Variants in SNX18 observed in about 807,000 individuals in gnomAD.
SNX18 encodes sorting nexin 18.
A neutral mutation model predicts 48.7 loss-of-function variants in SNX18; 35 were observed. The ratio of observed to expected loss-of-function variants is 0.72; its 90% CI spans 0.55 to 0.95. The LOEUF is 0.95. Ranked by LOEUF, SNX18 falls within the 40% of genes least tolerant of loss-of-function variation. SNX18 has a pLI of 0.00. For synonymous variants in SNX18, 492 were observed against 384.7 expected, an observed-to-expected ratio of 1.28 and a Z score of -3.26; for missense variants, 824 against 871.0, an observed-to-expected ratio of 0.95 and a Z score of 0.68.
the SNX18 span, among the ~76,000 whole-genome samples, chr5:54,571,124 T>C: frequency 2.6e-5 from 4 of 152,150 alleles, no homozygotes; most frequent in African/African-American, 9.6e-5. Context: ...GGAGGCCTCC[T>C]GTGTTTTTTT....
intron 1 of SNX18, 189 bp downstream of exon 1, chr5:54,519,762 G>C: frequency 6.2e-7 from 1 of 1,614,166 alleles, no homozygotes; most frequent in Non-Finnish European, 8.5e-7. Context: ...CTTCCTCCTC[G>C]AGTATCTTGC....
chr5:54,545,933 G>A lies in SNX18; in HGVS notation c.*2501G>A, dbSNP rs981226554. 2.0e-5 allele frequency: 3 copies of A among 152,138 alleles called. No homozygotes were observed. Among genetic ancestry groups the A allele is most frequent in the Non-Finnish European group, 2.9e-5 (2 of 68,024 alleles). The allele number at this position is 152,138 out of a possible 1,614,324, so 9.4% of individuals were successfully genotyped here. ...ATGTGATGTGTTTGTAACACAGGGT[G>A]TGCACTTGAGCCTGGTTTTACTGTT... is the stretch of plus-strand genomic sequence containing the variant. On this transcript the variant is annotated 3_prime_UTR_variant, in exon 2 of 2. Coordinates refer to ENST00000381410, the MANE Select transcript of SNX18 (RefSeq NM_001102575.2).
chr5:54,647,855 G>A, the SNX18 span, among the ~76,000 whole-genome samples: 3 of 152,004 alleles, frequency 2.0e-5, no homozygotes, highest in Non-Finnish European at 2.9e-5. Flanking sequence ...GAAAGGAGTA[G>A]GATCTGCAGA....
the SNX18 span, among the ~76,000 whole-genome samples, chr5:54,563,691 T>C: frequency 6.6e-6 from 1 of 152,148 alleles, no homozygotes; most frequent in South Asian, 2.1e-4. Context: ...GTACAGGTAG[T>C]TGTGACTCTG....
chr5:54,577,033 T>G, the SNX18 span, among the ~76,000 whole-genome samples: 1 of 152,160 alleles, frequency 6.6e-6, no homozygotes. Flanking sequence ...ACTCCTGACC[T>G]CAGGTGATCC....
chr5:54,608,333 A>G, the SNX18 span, among the ~76,000 whole-genome samples: 15 of 151,770 alleles, frequency 9.9e-5, no homozygotes, highest in Admixed American at 5.2e-4. Flanking sequence ...ATGTCTCTTC[A>G]TGTCTTTTGC....
At chr5:54,642,008 G>T in the SNX18 span, among the ~76,000 whole-genome samples, 2 of 152,290 alleles carry the variant, frequency 1.3e-5, no homozygotes, top group South Asian at 2.1e-4. Flanking sequence ...ATAATAAAAG[G>T]CTGACAGTGT....
the SNX18 span, among the ~76,000 whole-genome samples, chr5:54,587,846 G>A: frequency 7.9e-5 from 12 of 152,236 alleles, no homozygotes; most frequent in Admixed American, 6.5e-4. Flanking sequence ...TTTAAGGCAC[G>A]TGGCCATCAA....
At chr5:54,535,158 A>T (rs1762329031) in intron 1 of SNX18, among the ~76,000 whole-genome samples, 1 of 152,218 alleles carries the variant, frequency 6.6e-6, no homozygotes, top group Admixed American at 6.5e-5. Context: ...GAATATATGT[A>T]TTATAAACAA....
the SNX18 span, among the ~76,000 whole-genome samples, chr5:54,552,852 G>A: frequency 6.6e-6 from 1 of 150,552 alleles, no homozygotes. Flanking sequence ...AAAAAACTAA[G>A]CGGGGAGGAG....
the SNX18 span, among the ~76,000 whole-genome samples, chr5:54,636,251 C>T: frequency 6.6e-6 from 1 of 152,130 alleles, no homozygotes; most frequent in Non-Finnish European, 1.5e-5. Context: ...TGGGCCTGAA[C>T]GGGGATGAGG....
At chr5:54,600,056 G>T in the SNX18 span, among the ~76,000 whole-genome samples, 2 of 152,164 alleles carry the variant, frequency 1.3e-5, no homozygotes, top group Non-Finnish European at 2.9e-5. Flanking sequence ...CAAACAGAGT[G>T]GGAGAAAATC....
chr5:54,555,372 A>ATCTT, the SNX18 span, among the ~76,000 whole-genome samples: 1 of 147,104 alleles, frequency 6.8e-6, no homozygotes, highest in African/African-American at 2.5e-5. Context: ...TACCCGGCAT[A>ATCTT]CCTTTCTTTT....
intron 1 of SNX18, among the ~76,000 whole-genome samples, chr5:54,522,784 G>C (rs1762055501): frequency 6.6e-6 from 1 of 152,158 alleles, no homozygotes; most frequent in African/African-American, 2.4e-5. Context: ...TTAAATGTTG[G>C]TGGGCTGAAA....
the SNX18 span, among the ~76,000 whole-genome samples, chr5:54,621,297 A>C: frequency 6.6e-6 from 1 of 152,190 alleles, no homozygotes; most frequent in East Asian, 1.9e-4. Context: ...CAGCATTGTG[A>C]ATCAACAATC....
In SNX18 at chr5:54,519,315, A is replaced by T; in HGVS notation, c.1363A>T (p.Lys455Ter). The change falls in exon 1 of 2, where the codon AAG (lysine) becomes TAG (stop). Residue 455 changes from lysine (K) to a stop codon, truncating the protein, a stop_gained. Transcript: ENST00000381410. LOFTEE classifies it high-confidence loss of function. ...CCACACGGCCAACGAGTTCGCGCGC[A>T]AGCAGGTGACCGGCTTCAAAAAGGA... is the stretch of plus-strand genomic sequence containing the variant. ...LNHTANEFAR[K>*]QVTGFKKEYQ... The T allele has an allele frequency of 6.2e-7, 1 of 1,613,962 alleles. No homozygotes were observed. The highest frequency in any genetic ancestry group is 8.5e-7 in the Non-Finnish European group (1 of 1,179,938).
the SNX18 span, among the ~76,000 whole-genome samples, chr5:54,580,405 A>AT: frequency 1.3e-5 from 2 of 152,120 alleles, no homozygotes; most frequent in African/African-American, 2.4e-5. Context: ...TTGCTCTCTC[A>AT]TTTTTTTGTG....
chr5:54,638,599 C>A, the SNX18 span, among the ~76,000 whole-genome samples: 1 of 152,114 alleles, frequency 6.6e-6, no homozygotes, highest in Non-Finnish European at 1.5e-5. Flanking sequence ...GTATTGGTAT[C>A]TAAAAGGATG....
At chr5:54,635,125 A>G in the SNX18 span, among the ~76,000 whole-genome samples, 2 of 151,778 alleles carry the variant, frequency 1.3e-5, no homozygotes, top group Non-Finnish European at 2.9e-5. Flanking sequence ...CCTTATTGGT[A>G]GACATAAACA....
Sources: gnomAD v4.1 joint callset for allele counts (sites outside exome capture counted in the v4.1 genomes callset) on GRCh38, gnomAD v4.1.1 for gene constraint, MANE v1.5 for transcripts, NCBI Gene and HGNC (gene_info 2026-07-23, HGNC 2026-07-21) for gene names.